Variants in GFOD1 observed in about 807,000 individuals in gnomAD.
The protein encoded by GFOD1 is Gfo/Idh/MocA-like oxidoreductase domain containing 1, also known as glucose-fructose oxidoreductase domain-containing protein 1.
GFOD1 carries 9 observed loss-of-function variants against 25.4 expected under a neutral mutation model. The ratio of observed to expected loss-of-function variants is 0.35; its 90% CI spans 0.21 to 0.62. The LOEUF (loss-of-function observed/expected upper bound fraction) is 0.62. GFOD1 is among the 20% of genes least tolerant of loss of function. The probability of loss-of-function intolerance (pLI) is 0.72; values close to 1 mark genes in which losing one functional copy is unlikely to be tolerated. For missense variants in GFOD1, 403 were observed against 556.9 expected, an observed-to-expected ratio of 0.72 and a Z score of 2.78; for synonymous variants, 253 against 245.6, an observed-to-expected ratio of 1.03 and a Z score of -0.28.
chr6:13,465,807 C>G (rs978736476), intron 1 of GFOD1, among the ~76,000 whole-genome samples: 26 of 152,146 alleles, frequency 1.7e-4, no homozygotes, highest in Non-Finnish European at 1.9e-4. Context: ...TTTCCTGTCT[C>G]CCTAAAAATG....
intron 1 of GFOD1, among the ~76,000 whole-genome samples, chr6:13,445,653 G>T (rs148709271): frequency 6.6e-6 from 1 of 152,330 alleles, no homozygotes; most frequent in East Asian, 1.9e-4. Flanking sequence ...TTCTTAACAG[G>T]CTTGCTTTCA....
intron 1 of GFOD1, among the ~76,000 whole-genome samples, chr6:13,383,399 T>C (rs1167943604): frequency 6.6e-6 from 1 of 152,250 alleles, no homozygotes; most frequent in Non-Finnish European, 1.5e-5. Flanking sequence ...CTGCAGGAAC[T>C]GCTAACTGGA....
chr6:13,410,615 G>GAGAGAGA (rs1786057857), intron 1 of GFOD1, among the ~76,000 whole-genome samples: 1 of 88,114 alleles, frequency 1.1e-5, no homozygotes, highest in African/African-American at 5.7e-5. Flanking sequence ...AGAGAGAGAG[G>GAGAGAGA]AAGGAAGAAA....
chr6:13,478,925 T>C (rs945273359), intron 1 of GFOD1, among the ~76,000 whole-genome samples: 6 of 152,092 alleles, frequency 3.9e-5, no homozygotes, highest in Admixed American at 3.9e-4. Flanking sequence ...CTGCAAGGGA[T>C]AGTAAATCTT....
intron 1 of GFOD1, among the ~76,000 whole-genome samples, chr6:13,398,497 A>G (rs1785780808): frequency 6.6e-6 from 1 of 152,220 alleles, no homozygotes; most frequent in South Asian, 2.1e-4. Context: ...TTACCTGAAT[A>G]AAAAATTGTT....
At chr6:13,382,096 C>T (rs567703623) in intron 1 of GFOD1, among the ~76,000 whole-genome samples, 13 of 152,220 alleles carry the variant, frequency 8.5e-5, no homozygotes, top group Admixed American at 2.6e-4. Flanking sequence ...GAGTCAAGGC[C>T]CAAGTTCACA....
chr6:13,370,070 A>G (rs1785120108), intron 1 of GFOD1, among the ~76,000 whole-genome samples: 2 of 152,224 alleles, frequency 1.3e-5, no homozygotes, highest in South Asian at 2.1e-4. Context: ...ACTCACAATA[A>G]TGGAAAAAGG....
At chr6:13,478,582 G>T (rs903409703) in intron 1 of GFOD1, among the ~76,000 whole-genome samples, 3 of 152,242 alleles carry the variant, frequency 2.0e-5, no homozygotes, top group Non-Finnish European at 4.4e-5. Flanking sequence ...ATTTGGTCAT[G>T]TATCCCCCAC....
chr6:13,462,667 G>A (rs1758311890), intron 1 of GFOD1, among the ~76,000 whole-genome samples: 1 of 152,178 alleles, frequency 6.6e-6, no homozygotes, highest in Non-Finnish European at 1.5e-5. Context: ...GCCCCTTAAT[G>A]TTCCCAGCAG....
At chr6:13,465,800 C>T (rs947221414) in intron 1 of GFOD1, among the ~76,000 whole-genome samples, 2 of 152,186 alleles carry the variant, frequency 1.3e-5, no homozygotes, top group Non-Finnish European at 2.9e-5. Context: ...ACCAAGGTTT[C>T]CTGTCTCCCT....
intron 1 of GFOD1, among the ~76,000 whole-genome samples, chr6:13,425,605 AAGC>A (rs1359516572): frequency 3.9e-5 from 6 of 152,224 alleles, no homozygotes; most frequent in Non-Finnish European, 2.9e-5. Flanking sequence ...TCAGATCTGA[AAGC>A]TTCAAGATCT....
chr6:13,392,327 A>AAGCC (rs1455071897), intron 1 of GFOD1, among the ~76,000 whole-genome samples: 2 of 150,094 alleles, frequency 1.3e-5, no homozygotes, highest in Non-Finnish European at 3.0e-5. Flanking sequence ...CTGGGTGACA[A>AAGCC]AGCCAGACCC....
chr6:13,421,555 A>T (rs946052829), intron 1 of GFOD1, among the ~76,000 whole-genome samples: 4 of 133,796 alleles, frequency 3.0e-5, no homozygotes, highest in African/African-American at 1.2e-4. Flanking sequence ...TCCATATTTA[A>T]AAAAAAACCA....
At chr6:13,378,332 C>T (rs1369952043) in intron 1 of GFOD1, among the ~76,000 whole-genome samples, 1 of 152,200 alleles carries the variant, frequency 6.6e-6, no homozygotes, top group African/African-American at 2.4e-5. Flanking sequence ...GAAGTGCCAA[C>T]CCCTCAGGCT....
rs949674685 is a variant in GFOD1, at chr6:13,360,699, C to T, written c.*4044G>A. On this transcript the variant is annotated 3_prime_UTR_variant, in exon 2 of 2. Coordinates refer to ENST00000379287, the MANE Select transcript of GFOD1 (RefSeq NM_018988.4). ...ACTTCTATGTGCAGCTCTACAGCCT[C>T]CTGGCAGAACATCAGATGTTGCATC... 2 of 456,760 alleles carry T rather than the reference C, an allele frequency of 4.4e-6. No homozygotes were observed. Among genetic ancestry groups the T allele is most frequent in the East Asian group, 6.9e-5 (1 of 14,402 alleles). 28.3% of individuals were successfully genotyped at this position (456,760 alleles called of 1,614,324 possible). A position where few individuals can be genotyped will look rare whatever the true frequency, so the allele number is the denominator to read the frequency against.
At chr6:13,384,205 G>GC (rs1785421769) in intron 1 of GFOD1, among the ~76,000 whole-genome samples, 1 of 152,202 alleles carries the variant, frequency 6.6e-6, no homozygotes, top group Non-Finnish European at 1.5e-5. Flanking sequence ...CAGCCTGGGT[G>GC]ACAGAGTGAG....
intron 1 of GFOD1, among the ~76,000 whole-genome samples, chr6:13,437,326 G>A (rs547019382): frequency 1.2e-4 from 18 of 152,248 alleles, no homozygotes; most frequent in African/African-American, 4.3e-4. Context: ...TAGGAGACAG[G>A]CTTGAGTAGG....
At chr6:13,452,142 C>T (rs546540115) in intron 1 of GFOD1, among the ~76,000 whole-genome samples, 11 of 152,266 alleles carry the variant, frequency 7.2e-5, no homozygotes, top group South Asian at 4.2e-4. Context: ...GGCTAAGCCA[C>T]GGCTCTGTCT....
chr6:13,365,295 G>A lies in GFOD1; in HGVS notation c.621C>T (p.Asp207=), dbSNP rs1785020435. ...TGATCTGTCGGATGCCCTTGATGTG[G>A]TCAGTCTGCTTCACGAAGGTCTTGA... ...GLLKTFVKQT[D]HIKGIRQITS... is the part of the protein sequence containing the mutation. Residue 207 remains aspartate, a synonymous_variant, in exon 2 of 2, where the codon GAC becomes GAT. Coordinates refer to ENST00000379287, the MANE Select transcript of GFOD1 (RefSeq NM_018988.4). This position sits in a 1 kb window ranked among gnomAD's most constrained non-coding sequence, Gnocchi z 9.2. The A allele has an allele frequency of 1.9e-6, 3 of 1,614,218 alleles. No individual in the cohort carries two copies. Among genetic ancestry groups the A allele is most frequent in the East Asian group, 2.2e-5 (1 of 44,880 alleles).
Sources: allele counts gnomAD v4.1 joint callset (sites outside exome capture counted in the v4.1 genomes callset), GRCh38; gene constraint gnomAD v4.1.1; non-coding constraint Gnocchi (gnomAD v3.1); transcripts MANE v1.5; gene names NCBI Gene and HGNC (gene_info 2026-07-23, HGNC 2026-07-21).